CFAP77: variants seen among roughly 807,000 people sequenced by gnomAD.
CFAP77 encodes the protein cilia- and flagella-associated protein 77.
CFAP77 carries 25 observed loss-of-function variants against 31.1 expected under a neutral mutation model. That is an observed-to-expected ratio of 0.80 (90% CI 0.59 to 1.12). CFAP77 has a LOEUF of 1.12. Among genes scored for constraint, CFAP77 ranks in the 50% most tolerant of loss-of-function variants. The pLI, the probability that CFAP77 is intolerant of heterozygous loss-of-function variation, is 0.00. For synonymous variants in CFAP77, 151 were observed against 159.9 expected (o/e 0.94, Z 0.42); for missense variants, 377 against 397.3 (o/e 0.95, Z 0.44).
intron 3 of CFAP77, among the ~76,000 whole-genome samples, chr9:132,519,634 G>A (rs1852226377): frequency 7.2e-6 from 1 of 139,596 alleles, no homozygotes; most frequent in Admixed American, 7.2e-5. Context: ...GTGGGTAGGT[G>A]GATGGGCAGA....
chr9:132,422,566 A>T (rs1293326932), intron 1 of CFAP77, among the ~76,000 whole-genome samples: 1 of 152,082 alleles, frequency 6.6e-6, no homozygotes, highest in Non-Finnish European at 1.5e-5. Context: ...AAAATAAGAG[A>T]TTTTATGAGA....
chr9:132,498,832 G>A lies in CFAP77; in HGVS notation c.295+38G>A. The A allele has an allele frequency of 6.8e-7, 1 of 1,460,436 alleles. No homozygotes were observed. The highest frequency in any genetic ancestry group is 1.8e-4 in the Middle Eastern group (1 of 5,448). 90.5% of individuals were successfully genotyped at this position (1,460,436 alleles called of 1,614,324 possible). ...CTTTGGAGCATGAGGGCAGAGGAGT[G>A]GGAGGGAGGCTCACCCCTCTTCACA... On this transcript the variant is annotated intron_variant, in intron 2 of 5. Transcript: ENST00000393216. This position sits in a 1 kb window ranked among gnomAD's most constrained non-coding sequence, Gnocchi z 4.2.
At chr9:132,496,798 A>G (rs923661013) in intron 1 of CFAP77, among the ~76,000 whole-genome samples, 7 of 152,174 alleles carry the variant, frequency 4.6e-5, no homozygotes, top group African/African-American at 1.7e-4. Context: ...TCAGGCATTT[A>G]TTGTGCACCT....
At chr9:132,434,317 T>C (rs1850467190) in intron 1 of CFAP77, among the ~76,000 whole-genome samples, 1 of 152,052 alleles carries the variant, frequency 6.6e-6, no homozygotes, top group South Asian at 2.1e-4. Context: ...TATATGAAAA[T>C]GTCTGTCCTT....
chr9:132,442,056 T>C (rs573882892), intron 1 of CFAP77, among the ~76,000 whole-genome samples: 2 of 152,158 alleles, frequency 1.3e-5, no homozygotes, highest in East Asian at 3.9e-4. Flanking sequence ...TGGCACCTAC[T>C]ACTATGTGCC....
chr9:132,526,190 C>T (rs895088578), intron 3 of CFAP77, among the ~76,000 whole-genome samples: 8 of 151,798 alleles, frequency 5.3e-5, no homozygotes, highest in African/African-American at 1.9e-4. Flanking sequence ...GAGCAATTGC[C>T]GGGCCATCTG....
chr9:132,560,618 G>T (rs1852979746), intron 5 of CFAP77, among the ~76,000 whole-genome samples: 3 of 152,192 alleles, frequency 2.0e-5, no homozygotes, highest in African/African-American at 7.2e-5. Context: ...TTCTGCTCCG[G>T]TAAGTCCCGC....
At position 132,541,997 on chromosome 9, in the gene CFAP77, G is replaced by A. The variant is rs1216745847; in HGVS notation, c.631-949G>A. ...CCCAGGGCAGATCCATGTTCTGTAG[G>A]GCCTGAAAGGTCTACAGTTTGGAAT... is the stretch of plus-strand genomic sequence containing the variant. On this transcript the variant is annotated intron_variant, in intron 4 of 5. Transcript: ENST00000393216. 2.0e-5 allele frequency among the ~76,000 whole-genome samples: 3 copies of A among 152,224 alleles called. 1 individual carries two copies. In the East Asian group the frequency reaches 5.8e-4, roughly 29 times the overall value.
At chr9:132,475,392 C>T (rs1471399697) in intron 1 of CFAP77, among the ~76,000 whole-genome samples, 1 of 152,166 alleles carries the variant, frequency 6.6e-6, no homozygotes, top group Non-Finnish European at 1.5e-5. Flanking sequence ...CCACTAGGCC[C>T]CTTCGCTAAG....
chr9:132,521,762 C>CTTTTT (rs774087426), intron 3 of CFAP77, among the ~76,000 whole-genome samples: 19 of 62,560 alleles, frequency 3.0e-4, no homozygotes, highest in African/African-American at 5.3e-4. Context: ...AATAGACTTG[C>CTTTTT]TTTTTTTTTT....
intron 1 of CFAP77, among the ~76,000 whole-genome samples, chr9:132,473,737 G>T (rs542960219): frequency 2.6e-5 from 4 of 152,278 alleles, no homozygotes; most frequent in African/African-American, 9.6e-5. Flanking sequence ...AGGCTGGAGC[G>T]CAATGGTGCG....
chr9:132,515,469 GA>G (rs1487880652), intron 3 of CFAP77, among the ~76,000 whole-genome samples: 1 of 152,132 alleles, frequency 6.6e-6, no homozygotes, highest in Non-Finnish European at 1.5e-5. Context: ...GTATAAAGAT[GA>G]ATATAATCCA....
intron 3 of CFAP77, among the ~76,000 whole-genome samples, chr9:132,500,979 G>C (rs1054915486): frequency 1.3e-5 from 2 of 152,214 alleles, no homozygotes; most frequent in Admixed American, 1.3e-4. Flanking sequence ...TCTTCTTCCA[G>C]AATTGGCCCT....
intron 3 of CFAP77, among the ~76,000 whole-genome samples, chr9:132,520,761 G>A (rs758374416): frequency 3.5e-4 from 53 of 152,154 alleles, no homozygotes; most frequent in Non-Finnish European, 2.6e-4. Context: ...CAGGTCCGGT[G>A]TGGACCTGAC....
chr9:132,476,301 C>T (rs146709910), intron 1 of CFAP77, among the ~76,000 whole-genome samples: 23 of 152,234 alleles, frequency 1.5e-4, no homozygotes, highest in Middle Eastern at 6.8e-3. Flanking sequence ...TGTCCCATAC[C>T]GCATGCTCTG....
Position 132,499,367 on chromosome 9 carries a change from C to T in CFAP77, c.296-5C>T, listed in dbSNP as rs757838989. ...ACTGCCCCGTGGGTCTCTCCCTGCC[C>T]TCAGCCATCGGACGCTGGAACGTGT... On this transcript the variant is annotated splice_region_variant and splice_polypyrimidine_tract_variant and intron_variant, in intron 2 of 5. Transcript: ENST00000393216. This position sits in a 1 kb window ranked among gnomAD's most constrained non-coding sequence, Gnocchi z 5.4. The T allele has an allele frequency of 1.2e-6, 2 of 1,613,740 alleles. No homozygotes were observed. Among genetic ancestry groups the T allele is most frequent in the Non-Finnish European group, 1.7e-6 (2 of 1,179,838 alleles).
chr9:132,510,539 A>C (rs1852018219), intron 3 of CFAP77, among the ~76,000 whole-genome samples: 1 of 152,206 alleles, frequency 6.6e-6, no homozygotes, highest in South Asian at 2.1e-4. Flanking sequence ...ATCAAGCCCA[A>C]CACATCAGCC....
At chr9:132,462,040 C>G (rs1851060549) in intron 1 of CFAP77, among the ~76,000 whole-genome samples, 1 of 152,176 alleles carries the variant, frequency 6.6e-6, no homozygotes, top group South Asian at 2.1e-4. Context: ...CATCTCCGCT[C>G]CTTCATTTTA....
intron 1 of CFAP77, among the ~76,000 whole-genome samples, chr9:132,430,427 A>T (rs1042140306): frequency 3.9e-5 from 6 of 152,284 alleles, no homozygotes; most frequent in Admixed American, 3.9e-4. Context: ...TAGCCTTAAG[A>T]TAGTTACATT....
Sources: gnomAD v4.1 joint callset for allele counts (sites outside exome capture counted in the v4.1 genomes callset) on GRCh38, gnomAD v4.1.1 for gene constraint, Gnocchi (gnomAD v3.1) non-coding constraint, MANE v1.5 for transcripts, NCBI Gene and HGNC (gene_info 2026-07-23, HGNC 2026-07-21) for gene names.